Variants in ITGB6 observed in about 807,000 individuals in gnomAD.
ITGB6 encodes integrin beta-6.
ITGB6 carries 80 observed loss-of-function variants against 84.5 expected under a neutral mutation model. The ratio of observed to expected loss-of-function variants is 0.95; its 90% CI spans 0.79 to 1.14. The LOEUF (loss-of-function observed/expected upper bound fraction) is 1.14, where lower values mean the gene tolerates loss of function less well. ITGB6 is among the 50% of genes most tolerant of loss of function. The probability of loss-of-function intolerance (pLI) is 0.00; values close to 1 mark genes in which losing one functional copy is unlikely to be tolerated. For synonymous variants in ITGB6, 383 were observed against 354.9 expected (o/e 1.08, Z -0.89); for missense variants, 1,006 against 968.0 (o/e 1.04, Z -0.52).
chr2:160,189,539 C>A (rs1048279873), intron 4 of ITGB6, among the ~76,000 whole-genome samples: 5 of 152,094 alleles, frequency 3.3e-5, no homozygotes, highest in East Asian at 1.9e-4. Context: ...AAAAAGTGGG[C>A]GAAGGATATG....
intron 7 of ITGB6, among the ~76,000 whole-genome samples, chr2:160,148,487 A>G (rs1684281037): frequency 6.6e-6 from 1 of 152,220 alleles, no homozygotes; most frequent in Non-Finnish European, 1.5e-5. Context: ...CACTTCCAAG[A>G]TGGCTGAATA....
intron 7 of ITGB6, among the ~76,000 whole-genome samples, chr2:160,153,319 C>G (rs988563664): frequency 3.0e-4 from 46 of 152,176 alleles, no homozygotes; most frequent in African/African-American, 1.0e-3. Flanking sequence ...ACAAACCTGA[C>G]AAAAACAAGC....
chr2:160,144,655 C>T (rs973753573), intron 7 of ITGB6, among the ~76,000 whole-genome samples: 11 of 152,198 alleles, frequency 7.2e-5, no homozygotes, highest in African/African-American at 2.4e-4. Flanking sequence ...ATCCTGAGAA[C>T]CCCAGGACTG....
At chr2:160,135,371 G>A (rs931048872) in intron 10 of ITGB6, among the ~76,000 whole-genome samples, 4 of 151,126 alleles carry the variant, frequency 2.6e-5, no homozygotes, top group African/African-American at 9.7e-5. Context: ...TCTTCAAGGA[G>A]AACTACAAAC....
intron 4 of ITGB6, among the ~76,000 whole-genome samples, chr2:160,176,271 T>A (rs1000585375): frequency 6.6e-6 from 1 of 152,128 alleles, no homozygotes; most frequent in Non-Finnish European, 1.5e-5. Flanking sequence ...GACTGGAAGC[T>A]CTGGAAGTGT....
chr2:160,195,219 C>A (rs1686284994), intron 4 of ITGB6, 150 bp downstream of exon 4: 1 of 963,944 alleles, frequency 1.0e-6, no homozygotes, highest in Admixed American at 2.6e-5. Flanking sequence ...CCACTCTAAG[C>A]AACCTAGGCC....
intron 7 of ITGB6, among the ~76,000 whole-genome samples, chr2:160,147,419 A>T (rs1367043373): frequency 6.6e-6 from 1 of 152,246 alleles, no homozygotes; most frequent in Non-Finnish European, 1.5e-5. Flanking sequence ...AATTTCATTT[A>T]TAGATTTAAT....
At chr2:160,187,862 T>C (rs1418764654) in intron 4 of ITGB6, among the ~76,000 whole-genome samples, 1 of 152,194 alleles carries the variant, frequency 6.6e-6, no homozygotes, top group Non-Finnish European at 1.5e-5. Context: ...ACCATAATCA[T>C]AAACTAAAGC....
intron 7 of ITGB6, 53 bp downstream of exon 7, chr2:160,169,159 G>A (rs1418623045): frequency 2.9e-6 from 3 of 1,034,618 alleles, no homozygotes; most frequent in Non-Finnish European, 4.4e-6. Flanking sequence ...TAATGTTAAA[G>A]TTTCATGTCA....
chr2:160,190,844 C>A (rs1686113690), intron 4 of ITGB6, among the ~76,000 whole-genome samples: 2 of 152,160 alleles, frequency 1.3e-5, no homozygotes, highest in African/African-American at 4.8e-5. Flanking sequence ...ACATTCCACA[C>A]TCATTGGTTC....
chr2:160,166,105 G>T (rs1234310594), intron 7 of ITGB6, among the ~76,000 whole-genome samples: 1 of 152,170 alleles, frequency 6.6e-6, no homozygotes, highest in Non-Finnish European at 1.5e-5. Context: ...ATGATTGAGG[G>T]TTTTTTGTCT....
Position 160,151,936 on chromosome 2 carries a change from A to G in ITGB6, c.1018-9865T>C, listed in dbSNP as rs183489409. Among the ~76,000 whole-genome samples, 942 of 152,270 alleles carry G rather than the reference A, an allele frequency of 6.2e-3. 4 individuals carry two copies. Among genetic ancestry groups the G allele is most frequent in the Non-Finnish European group, 0.01 (689 of 67,974 alleles). ...TCTGAATAGAACAATAACAGGCTCC[A>G]AAATTGAGGCAATAATTAATAGCAT... is the stretch of plus-strand genomic sequence containing the variant. On this transcript the variant is annotated intron_variant, in intron 7 of 14. Coordinates refer to ENST00000283249, the MANE Select transcript of ITGB6 (RefSeq NM_000888.5).
intron 10 of ITGB6, among the ~76,000 whole-genome samples, chr2:160,130,255 T>A (rs1016361782): frequency 2.2e-4 from 34 of 152,156 alleles, no homozygotes; most frequent in South Asian, 8.3e-4. Flanking sequence ...CTGTTGTATA[T>A]GTACTGTGTT....
rs1683242033 is a variant in ITGB6, at chr2:160,126,395, G to C, written c.1867C>G (p.Pro623Ala). Residue 623 changes from proline to alanine, a missense_variant, in exon 11 of 15, where the codon CCC becomes GCC. Physicochemically the swap from Pro to Ala is conservative, Grantham distance 27. Coordinates refer to ENST00000283249, the MANE Select transcript of ITGB6 (RefSeq NM_000888.5). ...TCERCPTCGD[P>A]CNSKRSCIEC... Reference sequence around the variant, plus strand: ...AGACATTACCGTTTAGAGTTACAGGGGTCACCACAGGTAGGACATCGTTCA... The same window carrying C: ...AGACATTACCGTTTAGAGTTACAGGCGTCACCACAGGTAGGACATCGTTCA... 6.2e-7 allele frequency: 1 copy of C among 1,613,910 alleles called. No individual in the cohort carries two copies. The highest frequency in any genetic ancestry group is 1.7e-5 in the Admixed American group (1 of 59,998).
intron 12 of ITGB6, among the ~76,000 whole-genome samples, chr2:160,117,416 T>G (rs1682831231): frequency 6.6e-6 from 1 of 152,004 alleles, no homozygotes; most frequent in Non-Finnish European, 1.5e-5. Context: ...GAATGACTAC[T>G]GGGTACATAA....
At chr2:160,108,853 A>T (rs1697010828) in intron 13 of ITGB6, among the ~76,000 whole-genome samples, 1 of 152,244 alleles carries the variant, frequency 6.6e-6, no homozygotes, top group Non-Finnish European at 1.5e-5. Flanking sequence ...AATTCACAGC[A>T]GAATGACTAA....
At chr2:160,180,123 A>C (rs530653276) in intron 4 of ITGB6, among the ~76,000 whole-genome samples, 161 of 149,538 alleles carry the variant, frequency 1.1e-3, no homozygotes, top group Admixed American at 4.2e-3. Context: ...CAAAAAAAAA[A>C]AAAAACAAAC....
In ITGB6 at chr2:160,195,494, G is replaced by A. The variant is rs143995509; in HGVS notation, c.468C>T (p.Gly156=). The change falls in exon 4 of 15, where the codon GGC becomes GGT. Residue 156 remains glycine (G), a synonymous_variant. Transcript: ENST00000283249. The part of the protein sequence containing the change: ...DDDLNTIKEL[G]SRLSKEMSKL... ...TAGACATCTCTTTGGAAAGCCGGGA[G>A]CCCAGCTCCTTTATTGTGTTGAGGT... is the stretch of plus-strand genomic sequence containing the variant. The A allele has an allele frequency of 6.2e-6, 10 of 1,614,078 alleles. No homozygotes were observed. The African/African-American group carries it at 1.2e-4, about 19-fold the overall frequency.
intron 13 of ITGB6, 86 bp from the exon 14 acceptor site, chr2:160,107,931 A>C: frequency 8.5e-7 from 1 of 1,179,574 alleles, no homozygotes; most frequent in Non-Finnish European, 1.2e-6. Context: ...TTTCATCTAC[A>C]TTTTCTGCAG....
Sources: allele counts gnomAD v4.1 joint callset (sites outside exome capture counted in the v4.1 genomes callset), GRCh38; gene constraint gnomAD v4.1.1; transcripts MANE v1.5; gene names NCBI Gene and HGNC (gene_info 2026-07-23, HGNC 2026-07-21).